Variants in MKX observed in about 807,000 individuals in gnomAD.
MKX encodes mohawk homeobox.
MKX carries 13 observed loss-of-function variants against 36.0 expected under a neutral mutation model. The observed-to-expected ratio is 0.36, with a 90% CI of 0.24 to 0.57. MKX has a LOEUF of 0.57. Among genes scored for constraint, MKX ranks in the 20% least tolerant of loss-of-function variants. The probability of loss-of-function intolerance (pLI) is 0.79; values close to 1 mark genes in which losing one functional copy is unlikely to be tolerated. For missense variants in MKX, 458 were observed against 456.4 expected (o/e 1.00, Z -0.03); for synonymous variants, 176 against 178.3 (o/e 0.99, Z 0.10).
At chr10:27,745,663 G>A (rs953166634) in intron 1 of MKX, 44 bp downstream of exon 1, 1 of 152,406 alleles carries the variant, frequency 6.6e-6, no homozygotes, top group African/African-American at 2.4e-5. Context: ...CGAGCCTGGC[G>A]TTCCGCCGCA....
rs1414288917 is a variant in MKX at position 27,744,110 on chromosome 10, A to AGGTT, written c.-82-617_-82-614dup. 6.6e-6 allele frequency among the ~76,000 whole-genome samples: 1 copy of AGGTT among 152,022 alleles called. No individual in the cohort carries two copies. The highest frequency in any genetic ancestry group is 1.5e-5 in the Non-Finnish European group (1 of 68,004). ...CTGTCCGCCAAGGTCCCCCGGGGTG[A>AGGTT]GGTTGGGTTCAAGGACAGGAAAAAG... On this transcript the variant is annotated intron_variant, in intron 1 of 6. Coordinates refer to ENST00000419761, the MANE Select transcript of MKX (RefSeq NM_173576.3). This position sits in a 1 kb window ranked among gnomAD's most constrained non-coding sequence, Gnocchi z 5.6.
chr10:27,692,312 C>T (rs181852424), intron 5 of MKX, among the ~76,000 whole-genome samples: 1 of 152,224 alleles, frequency 6.6e-6, no homozygotes, highest in African/African-American at 2.4e-5. Flanking sequence ...TTCTTTTGCC[C>T]AGTTCTTACA....
At chr10:27,705,269 A>G (rs1274823530) in intron 5 of MKX, among the ~76,000 whole-genome samples, 1 of 151,916 alleles carries the variant, frequency 6.6e-6, no homozygotes, top group Non-Finnish European at 1.5e-5. Context: ...GAATGTGAAT[A>G]CTCTCCATGT....
At chr10:27,677,192 C>T (rs532704003) in intron 5 of MKX, among the ~76,000 whole-genome samples, 2 of 152,310 alleles carry the variant, frequency 1.3e-5, no homozygotes, top group Non-Finnish European at 2.9e-5. Context: ...AGCTACTGCA[C>T]TTGGCACTGT....
chr10:27,682,543 T>C (rs11015942), intron 5 of MKX, among the ~76,000 whole-genome samples: 2 of 152,154 alleles, frequency 1.3e-5, no homozygotes, highest in African/African-American at 4.8e-5. Flanking sequence ...TCATTTTTTA[T>C]TTTTTACTAG....
intron 5 of MKX, among the ~76,000 whole-genome samples, chr10:27,724,756 T>TACACACACACACACAC (rs55968845): frequency 1.4e-5 from 2 of 141,492 alleles, no homozygotes; most frequent in Middle Eastern, 3.6e-3. Flanking sequence ...TACTACTACC[T>TACACACACACACACAC]ACACACACAC....
chr10:27,722,850 T>C (rs1334604046), intron 5 of MKX, among the ~76,000 whole-genome samples: 1 of 152,164 alleles, frequency 6.6e-6, no homozygotes, highest in Non-Finnish European at 1.5e-5. Flanking sequence ...AGGTCAAACA[T>C]AGCACAGATG....
intron 5 of MKX, among the ~76,000 whole-genome samples, chr10:27,710,972 A>G (rs1836840479): frequency 6.6e-6 from 1 of 152,080 alleles, no homozygotes; most frequent in South Asian, 2.1e-4. Context: ...TTTTGTTTGT[A>G]AACATTTGTG....
chr10:27,735,027 A>G (rs1834722668), intron 4 of MKX, among the ~76,000 whole-genome samples, 194 bp downstream of exon 4: 1 of 152,212 alleles, frequency 6.6e-6, no homozygotes, highest in Admixed American at 6.5e-5. Flanking sequence ...CACATGGTAT[A>G]TCTATAAACA....
chr10:27,674,618 T>C lies in MKX; in HGVS notation c.*611A>G, dbSNP rs1396410579. ...GCTTGAAGGAATCACTTCTTAAATG[T>C]ACAACGTTCTGTGGATCGCTGCACC... is the stretch of plus-strand genomic sequence containing the variant. On this transcript the variant is annotated 3_prime_UTR_variant, in exon 7 of 7. Coordinates refer to ENST00000419761, the MANE Select transcript of MKX (RefSeq NM_173576.3). The C allele has an allele frequency of 6.6e-6, 1 of 152,282 alleles. No individual in the cohort carries two copies. The highest frequency in any genetic ancestry group is 1.5e-5 in the Non-Finnish European group (1 of 68,046). 9.4% of individuals were successfully genotyped at this position (152,282 alleles called of 1,614,324 possible).
chr10:27,679,059 A>G (rs1314872402), intron 5 of MKX, among the ~76,000 whole-genome samples: 1 of 152,092 alleles, frequency 6.6e-6, no homozygotes, highest in Non-Finnish European at 1.5e-5. Context: ...CAGTAGGTAT[A>G]GATTGGGTTC....
chr10:27,681,542 TAATA>T (rs1836255104), intron 5 of MKX, among the ~76,000 whole-genome samples: 1 of 152,220 alleles, frequency 6.6e-6, no homozygotes, highest in South Asian at 2.1e-4. Flanking sequence ...TACTTGATAA[TAATA>T]AATGACTATG....
chr10:27,683,462 C>G (rs886174023), intron 5 of MKX, among the ~76,000 whole-genome samples: 46 of 152,236 alleles, frequency 3.0e-4, no homozygotes, highest in African/African-American at 1.1e-3. Flanking sequence ...TGATGATACA[C>G]TTGCATTTCT....
chr10:27,692,894 A>T (rs1836480745), intron 5 of MKX, among the ~76,000 whole-genome samples: 1 of 152,208 alleles, frequency 6.6e-6, no homozygotes, highest in African/African-American at 2.4e-5. Context: ...GTCTCTAAAG[A>T]GGAACAGGGA....
At chr10:27,706,654 G>T (rs1211074561) in intron 5 of MKX, among the ~76,000 whole-genome samples, 1 of 151,682 alleles carries the variant, frequency 6.6e-6, no homozygotes, top group African/African-American at 2.4e-5. Flanking sequence ...CTAATGATTG[G>T]TAATGCTGAG....
intron 5 of MKX, among the ~76,000 whole-genome samples, chr10:27,716,992 G>T (rs1836977473): frequency 6.6e-6 from 1 of 152,130 alleles, no homozygotes; most frequent in African/African-American, 2.4e-5. Flanking sequence ...AAGGCAGGGG[G>T]AGAAGTCAGA....
At chr10:27,683,292 A>G (rs1305463125) in intron 5 of MKX, among the ~76,000 whole-genome samples, 1 of 152,186 alleles carries the variant, frequency 6.6e-6, no homozygotes, top group Non-Finnish European at 1.5e-5. Context: ...AATGCTTACC[A>G]TTGGTTCCGA....
intron 5 of MKX, among the ~76,000 whole-genome samples, chr10:27,711,624 C>T (rs1215602499): frequency 5.4e-5 from 8 of 149,454 alleles, no homozygotes; most frequent in African/African-American, 1.5e-4. Context: ...CAGGCTGGAG[C>T]GCAGTCGCAC....
chr10:27,678,433 A>G (rs1836193607), intron 5 of MKX, among the ~76,000 whole-genome samples: 1 of 152,258 alleles, frequency 6.6e-6, no homozygotes, highest in South Asian at 2.1e-4. Flanking sequence ...GTGAGGCTTA[A>G]ATAACGTTAG....
Sources: allele counts gnomAD v4.1 joint callset (sites outside exome capture counted in the v4.1 genomes callset), GRCh38; gene constraint gnomAD v4.1.1; non-coding constraint Gnocchi (gnomAD v3.1); transcripts MANE v1.5; gene names NCBI Gene and HGNC (gene_info 2026-07-23, HGNC 2026-07-21).